Variants in AMDHD2 observed in about 807,000 individuals in gnomAD.
AMDHD2 encodes the protein N-acetylglucosamine-6-phosphate deacetylase.
AMDHD2 carries 24 observed loss-of-function variants against 41.8 expected under a neutral mutation model. That is an observed-to-expected ratio of 0.57 (90% CI 0.42 to 0.81). The LOEUF (loss-of-function observed/expected upper bound fraction) is 0.81, where lower values mean the gene tolerates loss of function less well. AMDHD2 is among the 30% of genes least tolerant of loss of function. The pLI is 0.00. For synonymous variants in AMDHD2, 332 were observed against 255.5 expected (o/e 1.30, Z -2.85); for missense variants, 540 against 588.5 (o/e 0.92, Z 0.85).
At chr16:2,525,366 C>CTT (rs34643272) in intron 3 of AMDHD2, among the ~76,000 whole-genome samples, 2,098 of 127,304 alleles carry the variant, frequency 0.016, 75 homozygotes, top group African/African-American at 0.059. Context: ...CCAAATGTTG[C>CTT]TTTTTTTTTT....
Position 2,527,534 on chromosome 16 carries a change from A to T in AMDHD2, c.361-27A>T, listed in dbSNP as rs200081457. 20 of 1,606,214 alleles carry T rather than the reference A, an allele frequency of 1.2e-5. 1 individual carries two copies. In the South Asian group the frequency reaches 2.1e-4, roughly 17 times the overall value. ...CCTCTGGGAATGGGCTGTGGGGGAC[A>T]GGGCTTTAACAGCTGGTTCCCCCCA... On this transcript the variant is annotated intron_variant, in intron 3 of 10. Coordinates refer to ENST00000293971, the MANE Select transcript of AMDHD2 (RefSeq NM_001330449.2). The surrounding 1 kb of genome is among the most constrained non-coding windows in gnomAD (Gnocchi z 6.1).
rs142909364 is a variant in AMDHD2 at position 2,528,093 on chromosome 16, A to T, written c.662A>T (p.Asp221Val). ...HSVADLRAAEDAVWSGATFIT... is the reference protein window; with the variant it reads ...HSVADLRAAEVAVWSGATFIT... Reference sequence around the variant, plus strand: ...GTGGCTGACCTGCGGGCGGCAGAGGATGCTGTGTGGAGCGGAGCCACCTTC... The same window carrying T: ...GTGGCTGACCTGCGGGCGGCAGAGGTTGCTGTGTGGAGCGGAGCCACCTTC... Residue 221 changes from aspartate to valine, a missense_variant, in exon 6 of 11, where the codon GAT (aspartate) becomes GTT (valine). By Grantham distance (152) the Asp-to-Val change is radical. Transcript: ENST00000293971. 1 of 1,612,824 alleles carries T rather than the reference A, an allele frequency of 6.2e-7. No individual in the cohort carries two copies. The highest frequency in any genetic ancestry group is 1.3e-5 in the African/African-American group (1 of 74,852).
chr16:2,526,064 C>T (rs1029894259), intron 3 of AMDHD2, among the ~76,000 whole-genome samples: 3 of 152,204 alleles, frequency 2.0e-5, no homozygotes, highest in African/African-American at 4.8e-5. Context: ...TGGCCCTTTT[C>T]CCTGTCCATC....
At position 2,521,024 on chromosome 16, in the gene AMDHD2, G is replaced by C; in HGVS notation, c.261G>C (p.Val87=). The C allele has an allele frequency of 6.2e-7, 1 of 1,610,934 alleles. No individual in the cohort carries two copies. The highest frequency in any genetic ancestry group is 8.5e-7 in the Non-Finnish European group (1 of 1,178,248). Residue 87 remains valine, a synonymous_variant, in exon 3 of 11, where the codon GTG becomes GTC. Coordinates refer to ENST00000293971, the MANE Select transcript of AMDHD2 (RefSeq NM_001330449.2). The stretch of plus-strand genomic sequence containing the variant: ...ACTTCTCTCAAGCCACGGAGGACGT[G>C]GGTTCGGGGGTTGCCCTCGTGGCCC... ...GVDFSQATED[V]GSGVALVARR... is the part of the protein sequence containing the mutation.
rs763248668 is a variant in AMDHD2, at chr16:2,520,972, C to T, written c.221-12C>T. ...TGAGCTCCATGCGACACTTCCTTTT[C>T]TGTGGCTGCAGGTGGATTTGGTGTT... On this transcript the variant is annotated splice_polypyrimidine_tract_variant and intron_variant, in intron 2 of 10. Coordinates refer to ENST00000293971, the MANE Select transcript of AMDHD2 (RefSeq NM_001330449.2). 5.7e-5 allele frequency: 91 copies of T among 1,597,576 alleles called. No individual in the cohort carries two copies. The South Asian group carries it at 8.5e-4, about 15-fold the overall frequency.
At chr16:2,524,192 C>G (rs2065975140) in intron 3 of AMDHD2, among the ~76,000 whole-genome samples, 1 of 152,256 alleles carries the variant, frequency 6.6e-6, no homozygotes, top group African/African-American at 2.4e-5. Context: ...CCAGGGCCCA[C>G]TCACCCTGGG....
At chr16:2,522,706 G>T (rs1375124990) in intron 3 of AMDHD2, among the ~76,000 whole-genome samples, 1 of 152,024 alleles carries the variant, frequency 6.6e-6, no homozygotes, top group African/African-American at 2.4e-5. Flanking sequence ...TAGAGACAGG[G>T]ATCTCATTAT....
At chr16:2,524,165 C>T (rs1408921390) in intron 3 of AMDHD2, among the ~76,000 whole-genome samples, 3 of 152,240 alleles carry the variant, frequency 2.0e-5, no homozygotes, top group South Asian at 2.1e-4. Flanking sequence ...TCCCCTGTGC[C>T]GTGCACGCCA....
rs2066069844 is a variant in AMDHD2, at chr16:2,530,280, G to GCA, written c.*717_*718insCA. 19 of 1,613,238 alleles carry GCA rather than the reference G, an allele frequency of 1.2e-5. No homozygotes were observed. In the East Asian group the frequency reaches 4.2e-4, roughly 36 times the overall value. The stretch of plus-strand genomic sequence containing the variant: ...AGGCCCAGTGCTTGCCGGCTGTGGT[G>GCA]ACCCTGCCTGGTGCTGGAGGGCAGT... On this transcript the variant is annotated 3_prime_UTR_variant, in exon 11 of 11. Transcript: ENST00000293971.
Position 2,530,536 on chromosome 16 carries a change from C to G in AMDHD2, c.*973C>G, listed in dbSNP as rs2066076337. ...TCAGGGGTGATTGTCTTGACTTTCT[C>G]TCCATTTGAGTTCTGGGGTGGGTGG... On this transcript the variant is annotated 3_prime_UTR_variant, in exon 11 of 11. Coordinates refer to ENST00000293971, the MANE Select transcript of AMDHD2 (RefSeq NM_001330449.2). 6.2e-7 allele frequency: 1 copy of G among 1,614,170 alleles called. No individual in the cohort carries two copies. The highest frequency in any genetic ancestry group is 1.6e-4 in the Middle Eastern group (1 of 6,062).
chr16:2,529,848 C>G lies in AMDHD2; in HGVS notation c.*285C>G, dbSNP rs1053879999. The G allele has an allele frequency of 2.2e-6, 3 of 1,389,084 alleles. No individual in the cohort carries two copies. Among genetic ancestry groups the G allele is most frequent in the South Asian group, 3.2e-5 (2 of 63,092 alleles). 86.0% of individuals were successfully genotyped at this position (1,389,084 alleles called of 1,614,324 possible). On this transcript the variant is annotated 3_prime_UTR_variant, in exon 11 of 11. Coordinates refer to ENST00000293971, the MANE Select transcript of AMDHD2 (RefSeq NM_001330449.2). The stretch of plus-strand genomic sequence containing the variant: ...GGCTGGGCTGTAGTTTAGCCTGGGC[C>G]TTGGGCCCCAGTGGGGGACAGGGCC...
In AMDHD2 at chr16:2,527,782, T is replaced by C. The variant is rs778433804; in HGVS notation, c.425T>C (p.Leu142Pro). 1.9e-6 allele frequency: 3 copies of C among 1,577,852 alleles called. No homozygotes were observed. Among genetic ancestry groups the C allele is most frequent in the African/African-American group, 2.7e-5 (2 of 74,488 alleles). Residue 142 changes from leucine to proline, a missense_variant, in exon 5 of 11, where the codon CTG becomes CCG. Physicochemically the swap from Leu to Pro is moderately conservative, Grantham distance 98 (BLOSUM62 -3). Coordinates refer to ENST00000293971, the MANE Select transcript of AMDHD2 (RefSeq NM_001330449.2). The surrounding 1 kb of genome is among the most constrained non-coding windows in gnomAD (Gnocchi z 6.1). The part of the protein sequence containing the change: ...PHGAGVLGLH[L>P]EGPFISREKR... ...TGCTCCCTCCTCCCAGGGCTGCACC[T>C]GGAGGGCCCCTTCATCAGCCGGGAG...
Position 2,530,570 on chromosome 16 carries a change from C to T in AMDHD2, c.*1007C>T, listed in dbSNP as rs755940364. On this transcript the variant is annotated 3_prime_UTR_variant, in exon 11 of 11. Transcript: ENST00000293971. ...AGTTCTGGGGTGGGTGGCTCCCTTC[C>T]CCCTTGCTTACAGGTGCTGTCCTGG... 34 of 1,614,082 alleles carry T rather than the reference C, an allele frequency of 2.1e-5. No homozygotes were observed. Among genetic ancestry groups the T allele is most frequent in the Non-Finnish European group, 2.9e-5 (34 of 1,180,036 alleles).
rs189095388 is a variant in AMDHD2, at chr16:2,530,530, C to T, written c.*967C>T. On this transcript the variant is annotated 3_prime_UTR_variant, in exon 11 of 11. Coordinates refer to ENST00000293971, the MANE Select transcript of AMDHD2 (RefSeq NM_001330449.2). ...CCCACGTCAGGGGTGATTGTCTTGA[C>T]TTTCTCTCCATTTGAGTTCTGGGGT... The T allele has an allele frequency of 1.2e-6, 2 of 1,614,196 alleles. No homozygotes were observed. The highest frequency in any genetic ancestry group is 8.5e-7 in the Non-Finnish European group (1 of 1,180,020).
In AMDHD2 at chr16:2,531,167, C is replaced by T; in HGVS notation, c.*1604C>T. 8.2e-6 allele frequency: 12 copies of T among 1,459,052 alleles called. No individual in the cohort carries two copies. Among genetic ancestry groups the T allele is most frequent in the Non-Finnish European group, 1.0e-5 (11 of 1,089,862 alleles). The allele number at this position is 1,459,052 out of a possible 1,614,324, so 90.4% of individuals were successfully genotyped here. A position where few individuals can be genotyped will look rare whatever the true frequency, so the allele number is the denominator to read the frequency against. Reference sequence around the variant, plus strand: ...GGTGAGCCCTGGGCCAGCCTTTGGGCCTGGCCTGCCCCATTCACCGGCCAG... The same window carrying T: ...GGTGAGCCCTGGGCCAGCCTTTGGGTCTGGCCTGCCCCATTCACCGGCCAG... On this transcript the variant is annotated 3_prime_UTR_variant, in exon 11 of 11. Transcript: ENST00000293971.
At chr16:2,523,597 T>C (rs2063682000) in intron 3 of AMDHD2, among the ~76,000 whole-genome samples, 1 of 152,152 alleles carries the variant, frequency 6.6e-6, no homozygotes, top group South Asian at 2.1e-4. Flanking sequence ...GTATTAGCCA[T>C]GGATGTCTTT....
chr16:2,528,295 C>T lies in AMDHD2; in HGVS notation c.777C>T (p.Gly259=), dbSNP rs752849951. Reference sequence around the variant, plus strand: ...TGACCAGCGACCGGCTGCCCGCAGGCCGCTGCATCTTCTATGGGATGATTG... The same window carrying T: ...TGACCAGCGACCGGCTGCCCGCAGGTCGCTGCATCTTCTATGGGATGATTG... ...GLLTSDRLPA[G]RCIFYGMIAD... The change falls in exon 7 of 11, where the codon GGC becomes GGT. Residue 259 remains glycine (G), a synonymous_variant. Coordinates refer to ENST00000293971, the MANE Select transcript of AMDHD2 (RefSeq NM_001330449.2). 5 of 1,612,478 alleles carry T rather than the reference C, an allele frequency of 3.1e-6. No individual in the cohort carries two copies. In the East Asian group the frequency reaches 1.1e-4, roughly 36 times the overall value.
rs771115099 is a variant in AMDHD2 at position 2,528,639 on chromosome 16, C to T, written c.971-11C>T. ...ACGACCCCCCCAGAGCCTGCCCTCT[C>T]TGCTCTCAAGGCACCAAGACGCTGA... On this transcript the variant is annotated splice_polypyrimidine_tract_variant and intron_variant, in intron 8 of 10. Coordinates refer to ENST00000293971, the MANE Select transcript of AMDHD2 (RefSeq NM_001330449.2). 29 of 1,612,942 alleles carry T rather than the reference C, an allele frequency of 1.8e-5. No individual in the cohort carries two copies. In the South Asian group the frequency reaches 1.9e-4, roughly 10 times the overall value.
Position 2,530,489 on chromosome 16 carries a change from C to T in AMDHD2, c.*926C>T. Reference sequence around the variant, plus strand: ...GGACAGCCACAGTGGGGTCAGACGTCAGGGATTGGTGCAGCCCCACGTCAG... The same window carrying T: ...GGACAGCCACAGTGGGGTCAGACGTTAGGGATTGGTGCAGCCCCACGTCAG... On this transcript the variant is annotated 3_prime_UTR_variant, in exon 11 of 11. Transcript: ENST00000293971. 1 of 1,614,120 alleles carries T rather than the reference C, an allele frequency of 6.2e-7. No individual in the cohort carries two copies. The highest frequency in any genetic ancestry group is 2.2e-5 in the East Asian group (1 of 44,860).
Sources: allele counts gnomAD v4.1 joint callset (sites outside exome capture counted in the v4.1 genomes callset), GRCh38; gene constraint gnomAD v4.1.1; non-coding constraint Gnocchi (gnomAD v3.1); transcripts MANE v1.5; gene names NCBI Gene and HGNC (gene_info 2026-07-23, HGNC 2026-07-21).